ZBTB20: variants seen among roughly 807,000 people sequenced by gnomAD.
The protein encoded by ZBTB20 is zinc finger and BTB domain-containing protein 20.
ZBTB20 carries 9 observed loss-of-function variants against 56.9 expected under a neutral mutation model. The observed-to-expected ratio is 0.16, with a 90% confidence interval of 0.10 to 0.28. The LOEUF (loss-of-function observed/expected upper bound fraction) is 0.28. Ranked by LOEUF, ZBTB20 falls within the 10% of genes least tolerant of loss-of-function variation. The pLI, the probability that ZBTB20 is intolerant of heterozygous loss-of-function variation, is 1.00. For synonymous variants in ZBTB20, 417 were observed against 420.7 expected, an observed-to-expected ratio of 0.99 and a Z score of 0.11; for missense variants, 655 against 1,003.0, an observed-to-expected ratio of 0.65 and a Z score of 4.69.
rs149313102 is a variant in ZBTB20, at chr3:114,839,519, G to A, written c.-416-38345C>T. Among the ~76,000 whole-genome samples, 1,067 of 152,256 alleles carry A rather than the reference G, an allele frequency of 7.0e-3. 6 individuals are homozygous for A. Among genetic ancestry groups the A allele is most frequent in the African/African-American group, 0.023 (958 of 41,558 alleles). ...GGAGAGAGAAAGAAAGGAAATCTCAGATATATCTATAATAGAGGAATCTCT... is the reference window on the plus strand; with the variant it reads ...GGAGAGAGAAAGAAAGGAAATCTCAAATATATCTATAATAGAGGAATCTCT... On this transcript the variant is annotated intron_variant, in intron 4 of 11. Coordinates refer to ENST00000675478, the MANE Select transcript of ZBTB20 (RefSeq NM_001348800.3).
intron 3 of ZBTB20, among the ~76,000 whole-genome samples, chr3:114,967,008 C>T (rs1282576470): frequency 6.6e-6 from 1 of 152,116 alleles, no homozygotes; most frequent in Non-Finnish European, 1.5e-5. Context: ...TTATGAAACA[C>T]ATCACGCTAG....
At chr3:114,802,740 T>C (rs1385880361) in intron 4 of ZBTB20, among the ~76,000 whole-genome samples, 1 of 151,874 alleles carries the variant, frequency 6.6e-6, no homozygotes, top group African/African-American at 2.4e-5. Context: ...TGAAAAATGA[T>C]TCAGAAATTT....
chr3:115,022,424 GT>G (rs2080243793), intron 2 of ZBTB20, among the ~76,000 whole-genome samples: 1 of 151,002 alleles, frequency 6.6e-6, no homozygotes, highest in Non-Finnish European at 1.5e-5. Flanking sequence ...TGCGAACAAT[GT>G]TGACCTTCAG....
At chr3:114,429,033 T>C (rs1576717200) in intron 7 of ZBTB20, among the ~76,000 whole-genome samples, 1 of 152,126 alleles carries the variant, frequency 6.6e-6, no homozygotes, top group African/African-American at 2.4e-5. Flanking sequence ...TCTATAGATA[T>C]AGATAAGTCT....
chr3:114,592,273 T>C (rs527314648), intron 6 of ZBTB20, among the ~76,000 whole-genome samples: 2 of 152,310 alleles, frequency 1.3e-5, no homozygotes, highest in South Asian at 4.1e-4. Flanking sequence ...TGGAGTTATA[T>C]CATAATACTA....
At chr3:114,451,906 T>C (rs1360516067) in intron 7 of ZBTB20, among the ~76,000 whole-genome samples, 1 of 152,040 alleles carries the variant, frequency 6.6e-6, no homozygotes, top group African/African-American at 2.4e-5. Context: ...GAATGACAGC[T>C]ATCACCTGTC....
chr3:115,022,891 T>A (rs2080263582), intron 2 of ZBTB20, among the ~76,000 whole-genome samples: 1 of 151,016 alleles, frequency 6.6e-6, no homozygotes, highest in Admixed American at 6.6e-5. Context: ...CTTTTGGATA[T>A]CTGATATGTA....
At chr3:114,802,738 G>A (rs1160400382) in intron 4 of ZBTB20, among the ~76,000 whole-genome samples, 2 of 151,858 alleles carry the variant, frequency 1.3e-5, no homozygotes, top group Admixed American at 6.6e-5. Context: ...TCTGAAAAAT[G>A]ATTCAGAAAT....
intron 11 of ZBTB20, among the ~76,000 whole-genome samples, chr3:114,341,570 G>A (rs1044214335): frequency 2.0e-5 from 3 of 152,192 alleles, no homozygotes; most frequent in African/African-American, 7.2e-5. Flanking sequence ...GTTTTTCCTC[G>A]AGGCAAGGTC....
At chr3:114,502,894 A>C (rs764217596) in intron 6 of ZBTB20, 11 of 151,972 alleles carry the variant, frequency 7.2e-5, no homozygotes, top group Non-Finnish European at 1.3e-4. Flanking sequence ...TATTATTAGC[A>C]ATTTTCTATG....
In ZBTB20 at chr3:114,338,090, A is replaced by G. The variant is rs989398711; in HGVS notation, c.*915T>C. 3.7e-5 allele frequency: 5 copies of G among 136,100 alleles called. No individual in the cohort carries two copies. The highest frequency in any genetic ancestry group is 1.3e-4 in the African/African-American group (5 of 39,376). 8.4% of individuals were successfully genotyped at this position (136,100 alleles called of 1,614,324 possible). A position where few individuals can be genotyped will look rare whatever the true frequency, so the allele number is the denominator to read the frequency against. ...TTCTCTTCCACAAGAATATATCCTG[A>G]CACTTTTTTTTTTTTTGCAAAGATT... On this transcript the variant is annotated 3_prime_UTR_variant, in exon 12 of 12. Coordinates refer to ENST00000675478, the MANE Select transcript of ZBTB20 (RefSeq NM_001348800.3).
intron 1 of ZBTB20, among the ~76,000 whole-genome samples, chr3:115,138,660 G>C (rs867153556): frequency 2.6e-5 from 4 of 151,996 alleles, no homozygotes; most frequent in Admixed American, 6.6e-5. Flanking sequence ...CCCTTTCTGA[G>C]CCTTCGCATA....
chr3:114,560,030 C>A (rs544235867), intron 6 of ZBTB20, among the ~76,000 whole-genome samples: 2 of 152,182 alleles, frequency 1.3e-5, no homozygotes, highest in Admixed American at 6.5e-5. Flanking sequence ...AAATGTAGGT[C>A]AAATTTTATA....
chr3:114,369,843 A>G (rs2082811294), intron 10 of ZBTB20, among the ~76,000 whole-genome samples: 1 of 152,224 alleles, frequency 6.6e-6, no homozygotes, highest in Non-Finnish European at 1.5e-5. Context: ...CATTTCAAAA[A>G]CAATTGTTTT....
At chr3:114,573,456 C>T in intron 6 of ZBTB20, among the ~76,000 whole-genome samples, 1 of 32,376 alleles carries the variant, frequency 3.1e-5, no homozygotes, top group Non-Finnish European at 6.6e-5. Flanking sequence ...GAGACTCCAA[C>T]AAAAAAGAAA....
In ZBTB20 at chr3:114,866,887, T is replaced by C. The variant is rs762955332; in HGVS notation, c.-417+33417A>G. 4.6e-5 allele frequency among the ~76,000 whole-genome samples: 7 copies of C among 152,302 alleles called. No individual in the cohort carries two copies. In the South Asian group the frequency reaches 8.3e-4, roughly 18 times the overall value. ...TCTGGGGTCTCTAGCTTTCTGACTATAGATCTTGGGACTTGTGAGCTTCCA... is the reference window on the plus strand; with the variant it reads ...TCTGGGGTCTCTAGCTTTCTGACTACAGATCTTGGGACTTGTGAGCTTCCA... On this transcript the variant is annotated intron_variant, in intron 4 of 11. Coordinates refer to ENST00000675478, the MANE Select transcript of ZBTB20 (RefSeq NM_001348800.3).
At chr3:115,034,112 A>T (rs2080817235) in intron 2 of ZBTB20, among the ~76,000 whole-genome samples, 1 of 151,766 alleles carries the variant, frequency 6.6e-6, no homozygotes, top group African/African-American at 2.4e-5. Context: ...AATAAAATCC[A>T]TGTATTAAAA....
chr3:114,341,441 C>A (rs1469948250), intron 11 of ZBTB20, among the ~76,000 whole-genome samples: 1 of 152,166 alleles, frequency 6.6e-6, no homozygotes, highest in Non-Finnish European at 1.5e-5. Flanking sequence ...AAAACATGTC[C>A]ACCTGTCACC....
Position 114,318,427 on chromosome 3 carries a change from G to A in ZBTB20, c.*20578C>T, listed in dbSNP as rs562697572. 1 of 152,644 alleles carries A rather than the reference G, an allele frequency of 6.6e-6. No homozygotes were observed. Among genetic ancestry groups the A allele is most frequent in the East Asian group, 1.9e-4 (1 of 5,188 alleles). 9.5% of individuals were successfully genotyped at this position (152,644 alleles called of 1,614,324 possible). A position where few individuals can be genotyped will look rare whatever the true frequency, so the allele number is the denominator to read the frequency against. On this transcript the variant is annotated 3_prime_UTR_variant, in exon 12 of 12. Coordinates refer to ENST00000675478, the MANE Select transcript of ZBTB20 (RefSeq NM_001348800.3). ...TGATAACAGTAACAGGAGGGTCTCA[G>A]AAGCAGAGGGTGAAGGAGACAGGAG...
Sources: gnomAD v4.1 joint callset for allele counts (sites outside exome capture counted in the v4.1 genomes callset) on GRCh38, gnomAD v4.1.1 for gene constraint, MANE v1.5 for transcripts, NCBI Gene and HGNC (gene_info 2026-07-23, HGNC 2026-07-21) for gene names.